ZNF540: variants seen among roughly 807,000 people sequenced by gnomAD.
ZNF540 encodes the protein CTD-3064H18.6.
A neutral mutation model predicts 11.8 loss-of-function variants in ZNF540; 3 were observed. That is an observed-to-expected ratio of 0.25 (90% CI 0.12 to 0.65). The LOEUF (loss-of-function observed/expected upper bound fraction) is 0.65. Among genes scored for constraint, ZNF540 ranks in the 30% least tolerant of loss-of-function variants. The probability of loss-of-function intolerance (pLI) is 0.83; values close to 1 mark genes in which losing one functional copy is unlikely to be tolerated. For synonymous variants in ZNF540, 247 were observed against 259.0 expected (o/e 0.95, Z 0.45); for missense variants, 709 against 793.1 (o/e 0.89, Z 1.27).
intron 1 of ZNF540, among the ~76,000 whole-genome samples, chr19:37,579,197 C>T (rs546138584): frequency 6.6e-6 from 1 of 152,220 alleles, no homozygotes; most frequent in African/African-American, 2.4e-5. Flanking sequence ...CCCACCTCCC[C>T]ACATCATAGC....
In ZNF540 at chr19:37,613,249, C is replaced by G. The variant is rs758262000; in HGVS notation, c.1969C>G (p.His657Asp). The G allele has an allele frequency of 6.7e-7, 1 of 1,496,512 alleles. No individual in the cohort carries two copies. The highest frequency in any genetic ancestry group is 1.5e-5 in the South Asian group (1 of 67,292). The allele number at this position is 1,496,512 out of a possible 1,614,324, so 92.7% of individuals were successfully genotyped here. A position where few individuals can be genotyped will look rare whatever the true frequency, so the allele number is the denominator to read the frequency against. The change falls in exon 5 of 5, where the codon CAT becomes GAT. Residue 657 changes from histidine (H) to aspartate (D), a missense_variant. His to Asp is a moderately conservative substitution (Grantham distance 81). Coordinates refer to ENST00000316433, the MANE Select transcript of ZNF540 (RefSeq NM_001172225.3). ...ACATCTTTATCAACATCAGAAAACT[C>G]ATAATGTAATTTAATATAAGAAAAG... ...YSHLYQHQKT[H>D]NVI
At chr19:37,567,212 CTG>C (rs1230668040) in intron 1 of ZNF540, among the ~76,000 whole-genome samples, 1 of 152,226 alleles carries the variant, frequency 6.6e-6, no homozygotes, top group Non-Finnish European at 1.5e-5. Flanking sequence ...TATTGTCTGT[CTG>C]TCCCATGCTT....
At chr19:37,570,288 C>T (rs1427227443) in intron 1 of ZNF540, among the ~76,000 whole-genome samples, 1 of 152,180 alleles carries the variant, frequency 6.6e-6, no homozygotes. Flanking sequence ...GTACTTTCTA[C>T]AAATCGTCTA....
At chr19:37,584,495 A>C (rs1249656335) in intron 1 of ZNF540, among the ~76,000 whole-genome samples, 2 of 152,210 alleles carry the variant, frequency 1.3e-5, no homozygotes, top group Non-Finnish European at 2.9e-5. Flanking sequence ...TAAAAAGATG[A>C]ATTTTTTTCC....
intron 1 of ZNF540, among the ~76,000 whole-genome samples, chr19:37,561,648 T>C (rs2042718710): frequency 6.6e-6 from 1 of 152,154 alleles, no homozygotes; most frequent in African/African-American, 2.4e-5. Flanking sequence ...TGCAATGAGG[T>C]AGAACCCGCT....
At chr19:37,554,448 T>C (rs2042639248) in intron 1 of ZNF540, among the ~76,000 whole-genome samples, 1 of 152,236 alleles carries the variant, frequency 6.6e-6, no homozygotes, top group Non-Finnish European at 1.5e-5. Flanking sequence ...CTTGCATAGA[T>C]TCTCACAAGG....
chr19:37,612,475 A>C lies in ZNF540; in HGVS notation c.1195A>C (p.Asn399His). 1 of 1,614,230 alleles carries C rather than the reference A, an allele frequency of 6.2e-7. No individual in the cohort carries two copies. The highest frequency in any genetic ancestry group is 8.5e-7 in the Non-Finnish European group (1 of 1,180,038). ...GKSFNVRGQL[N>H]RHKTIHTGIK... ...ATCATTTAATGTGCGTGGACAGCTT[A>C]ATCGGCATAAAACAATCCATACTGG... The change falls in exon 5 of 5, where the codon AAT becomes CAT. Residue 399 changes from asparagine (N) to histidine (H), a missense_variant. Asn to His is a moderately conservative substitution (Grantham distance 68). Coordinates refer to ENST00000316433, the MANE Select transcript of ZNF540 (RefSeq NM_001172225.3).
intron 1 of ZNF540, among the ~76,000 whole-genome samples, chr19:37,581,676 T>C (rs2043469822): frequency 6.6e-6 from 1 of 152,026 alleles, no homozygotes; most frequent in Non-Finnish European, 1.5e-5. Context: ...TTGCCCAGGC[T>C]GGTCCTGAAT....
chr19:37,566,350 T>C, intron 1 of ZNF540: 1 of 1,519,708 alleles, frequency 6.6e-7, no homozygotes, highest in Non-Finnish European at 8.8e-7. Flanking sequence ...ATAAAAATTC[T>C]ATGGTAAAAA....
At chr19:37,552,922 G>C (rs1375264283) in intron 1 of ZNF540, among the ~76,000 whole-genome samples, 2 of 151,892 alleles carry the variant, frequency 1.3e-5, no homozygotes, top group Non-Finnish European at 2.9e-5. Context: ...ACTCCAGCCT[G>C]GGTGACGGGG....
At chr19:37,565,715 A>T in intron 1 of ZNF540, 1 of 1,613,930 alleles carries the variant, frequency 6.2e-7, no homozygotes, top group Non-Finnish European at 8.5e-7. Context: ...ATGTTCAGTG[A>T]GCTGTGAACC....
At chr19:37,578,451 A>G (rs2043323709) in intron 1 of ZNF540, among the ~76,000 whole-genome samples, 1 of 152,140 alleles carries the variant, frequency 6.6e-6, no homozygotes, top group South Asian at 2.1e-4. Context: ...TCCCTGGGCC[A>G]CTAGACCAAC....
intron 1 of ZNF540, among the ~76,000 whole-genome samples, chr19:37,572,398 C>T (rs1278447351): frequency 6.6e-6 from 1 of 152,204 alleles, no homozygotes; most frequent in African/African-American, 2.4e-5. Flanking sequence ...TGAAATCTCA[C>T]ACCATCCTAC....
rs2044132001 is a variant in ZNF540, at chr19:37,611,849, A to G, written c.569A>G (p.Lys190Arg). The G allele has an allele frequency of 1.9e-6, 3 of 1,613,988 alleles. No homozygotes were observed. Among genetic ancestry groups the G allele is most frequent in the Non-Finnish European group, 1.7e-6 (2 of 1,179,964 alleles). ...GATTCTGATGTGAAACATGATTGTA[A>G]AGAATGTGGGAGTACTTTTAATAAT... ...KIDSDVKHDC[K>R]ECGSTFNNVY... Residue 190 changes from lysine to arginine, a missense_variant, in exon 5 of 5, where the codon AAA (lysine) becomes AGA (arginine). By Grantham distance (26) the Lys-to-Arg change is conservative (BLOSUM62 2). Coordinates refer to ENST00000316433, the MANE Select transcript of ZNF540 (RefSeq NM_001172225.3).
At chr19:37,601,672 A>G (rs2044040475) in intron 4 of ZNF540, among the ~76,000 whole-genome samples, 1 of 152,252 alleles carries the variant, frequency 6.6e-6, no homozygotes, top group Non-Finnish European at 1.5e-5. Context: ...GGTTTAATTG[A>G]GGTGGGCTGC....
At chr19:37,574,671 T>C (rs2147174110) in intron 1 of ZNF540, among the ~76,000 whole-genome samples, 1 of 152,318 alleles carries the variant, frequency 6.6e-6, no homozygotes, top group East Asian at 1.9e-4. Context: ...AACCTAAACA[T>C]AGCACCAGTT....
chr19:37,590,570 A>G (rs2043840369), upstream of ZNF540, among the ~76,000 whole-genome samples: 1 of 152,242 alleles, frequency 6.6e-6, no homozygotes, highest in African/African-American at 2.4e-5. Context: ...CTCAGAAAAT[A>G]CACTAATATA....
chr19:37,612,757 A>G lies in ZNF540; in HGVS notation c.1477A>G (p.Lys493Glu). 2.5e-6 allele frequency: 4 copies of G among 1,614,114 alleles called. No homozygotes were observed. The highest frequency in any genetic ancestry group is 3.4e-6 in the Non-Finnish European group (4 of 1,179,994). ...ACATAAGAAAATTCATACTGATGTGAAGCCCTACAAATGTGTACGATGTGG... is the reference window on the plus strand; with the variant it reads ...ACATAAGAAAATTCATACTGATGTGGAGCCCTACAAATGTGTACGATGTGG... ...SLHKKIHTDV[K>E]PYKCVRCGKT... The change falls in exon 5 of 5, where the codon AAG (lysine) becomes GAG (glutamate). Residue 493 changes from lysine (K) to glutamate (E), a missense_variant. Physicochemically the swap from Lys to Glu is moderately conservative, Grantham distance 56. Transcript: ENST00000316433.
chr19:37,590,025 A>T (rs1352866857), upstream of ZNF540, among the ~76,000 whole-genome samples: 6 of 152,108 alleles, frequency 3.9e-5, no homozygotes, highest in South Asian at 2.1e-4. Flanking sequence ...GTTTTCCATT[A>T]AAAGAGACTA....
Sources: gnomAD v4.1 joint callset for allele counts (sites outside exome capture counted in the v4.1 genomes callset) on GRCh38, gnomAD v4.1.1 for gene constraint, MANE v1.5 for transcripts, NCBI Gene and HGNC (gene_info 2026-07-23, HGNC 2026-07-21) for gene names.